Variants in LYN observed in about 807,000 individuals in gnomAD.
LYN encodes the protein tyrosine-protein kinase Lyn.
In LYN, 12 loss-of-function variants were observed where a neutral mutation model predicts 65.0. The observed-to-expected ratio is 0.18, with a 90% CI of 0.12 to 0.30. LYN has a LOEUF of 0.30. Ranked by LOEUF, LYN falls within the 10% of genes least tolerant of loss-of-function variation. LYN has a pLI of 1.00. For missense variants in LYN, 380 were observed against 623.2 expected (o/e 0.61, Z 4.16); for synonymous variants, 222 against 221.2 (o/e 1.00, Z -0.03).
rs557237006 is a variant in LYN, at chr8:55,926,458, T to A, written c.-5-15397T>A. Among the ~76,000 whole-genome samples, 158 of 152,372 alleles carry A rather than the reference T, an allele frequency of 1.0e-3. 1 individual carries two copies. Among genetic ancestry groups the A allele is most frequent in the African/African-American group, 3.6e-3 (151 of 41,588 alleles). On this transcript the variant is annotated intron_variant, in intron 1 of 12. Coordinates refer to ENST00000519728, the MANE Select transcript of LYN (RefSeq NM_002350.4). ...TAAGCCTAATTTAACTGTGCATTTC[T>A]TTTATCATAAATGGCTATGGGCGTA...
At chr8:55,926,414 A>G (rs1394464153) in intron 1 of LYN, among the ~76,000 whole-genome samples, 1 of 152,242 alleles carries the variant, frequency 6.6e-6, no homozygotes, top group Non-Finnish European at 1.5e-5. Flanking sequence ...TATCAGATGT[A>G]CTTTGCCTTG....
At chr8:55,928,285 A>G (rs530052848) in intron 1 of LYN, among the ~76,000 whole-genome samples, 18 of 152,314 alleles carry the variant, frequency 1.2e-4, no homozygotes, top group Non-Finnish European at 2.5e-4. Context: ...AGCTGGGACT[A>G]TAGGCAAGCG....
At chr8:56,002,624 T>TAAATTAAATA (rs1385772576) in intron 12 of LYN, among the ~76,000 whole-genome samples, 11 of 149,324 alleles carry the variant, frequency 7.4e-5, no homozygotes, top group African/African-American at 2.5e-4. Flanking sequence ...TAAATTAAAT[T>TAAATTAAATA]AAATTAAATT....
At chr8:55,998,038 A>T (rs979857933) in intron 10 of LYN, among the ~76,000 whole-genome samples, 2 of 152,038 alleles carry the variant, frequency 1.3e-5, no homozygotes, top group Admixed American at 6.5e-5. Context: ...GAGCCAAGAT[A>T]GCGCCACTGC....
intron 1 of LYN, among the ~76,000 whole-genome samples, chr8:55,909,035 ACAC>A (rs2130400419): frequency 9.2e-6 from 1 of 108,472 alleles, no homozygotes; most frequent in Non-Finnish European, 1.8e-5. Context: ...ACACACACAC[ACAC>A]ACACACACAC....
intron 8 of LYN, among the ~76,000 whole-genome samples, chr8:55,957,009 G>A (rs1322747930): frequency 6.6e-6 from 1 of 152,150 alleles, no homozygotes; most frequent in Admixed American, 6.6e-5. Context: ...GTGATCATTC[G>A]ATAAACAACA....
intron 10 of LYN, among the ~76,000 whole-genome samples, chr8:55,970,235 C>T (rs934124303): frequency 2.6e-5 from 4 of 152,210 alleles, no homozygotes; most frequent in African/African-American, 9.7e-5. Context: ...CACTTTCCTG[C>T]TCCTCTTCTC....
At chr8:55,880,140 C>T in intron 1 of LYN, 37 bp downstream of exon 1, 1 of 233,442 alleles carries the variant, frequency 4.3e-6, no homozygotes, top group South Asian at 4.2e-5. Context: ...TGGGCGCGGG[C>T]ACGCGGGCAG....
At chr8:55,995,678 C>T (rs1009098078) in intron 10 of LYN, among the ~76,000 whole-genome samples, 2 of 151,722 alleles carry the variant, frequency 1.3e-5, no homozygotes, top group African/African-American at 2.4e-5. Context: ...CTGCATAGGT[C>T]GGGTGAAAGG....
chr8:55,911,190 C>CGTGTATATATATACATATATAT (rs1554576221), intron 1 of LYN, among the ~76,000 whole-genome samples: 1 of 11,578 alleles, frequency 8.6e-5, no homozygotes. Flanking sequence ...TATATATATA[C>CGTGTATATATATACATATATAT]ACACACACAT....
chr8:55,946,969 C>T (rs1041358628), intron 3 of LYN, among the ~76,000 whole-genome samples: 1 of 152,124 alleles, frequency 6.6e-6, no homozygotes, highest in Non-Finnish European at 1.5e-5. Flanking sequence ...ATGCCCTGGC[C>T]GGGTGCAGTG....
At chr8:56,004,190 C>A (rs1281642502) in intron 12 of LYN, among the ~76,000 whole-genome samples, 1 of 151,648 alleles carries the variant, frequency 6.6e-6, no homozygotes, top group Non-Finnish European at 1.5e-5. Flanking sequence ...CTTTGGCCTC[C>A]CAAAGTGCTG....
At chr8:55,969,945 C>A (rs1170908450) in intron 10 of LYN, 152 bp downstream of exon 10, 2 of 676,188 alleles carry the variant, frequency 3.0e-6, no homozygotes, top group Non-Finnish European at 5.3e-6. Context: ...CAATACAATT[C>A]TTGGAGATAG....
intron 10 of LYN, among the ~76,000 whole-genome samples, chr8:55,978,023 G>A (rs1240171080): frequency 2.0e-5 from 3 of 152,134 alleles, no homozygotes; most frequent in Non-Finnish European, 4.4e-5. Context: ...AGATTCTCAG[G>A]CCCTCTCCCC....
rs1808868251 is a variant in LYN at position 56,013,390 on chromosome 8, C to T, written c.*3280C>T. On this transcript the variant is annotated 3_prime_UTR_variant, in exon 13 of 13. Transcript: ENST00000519728. Reference sequence around the variant, plus strand: ...TGGAGCGATTCTTCTCCTGCCTCAGCCTCCCTAGTAGCTGGAACTACAGGC... The same window carrying T: ...TGGAGCGATTCTTCTCCTGCCTCAGTCTCCCTAGTAGCTGGAACTACAGGC... The T allele has an allele frequency of 6.6e-6, 1 of 152,010 alleles. No homozygotes were observed. Among genetic ancestry groups the T allele is most frequent in the African/African-American group, 2.4e-5 (1 of 41,332 alleles). 9.4% of individuals were successfully genotyped at this position (152,010 alleles called of 1,614,324 possible). A position where few individuals can be genotyped will look rare whatever the true frequency, so the allele number is the denominator to read the frequency against.
At chr8:55,964,464 T>A (rs765596924) in intron 8 of LYN, among the ~76,000 whole-genome samples, 5 of 152,210 alleles carry the variant, frequency 3.3e-5, no homozygotes, top group Non-Finnish European at 7.3e-5. Context: ...AGAAACATCA[T>A]TGGATAGGTT....
chr8:55,914,829 A>T (rs1324130715), intron 1 of LYN, among the ~76,000 whole-genome samples: 5 of 152,138 alleles, frequency 3.3e-5, no homozygotes. Context: ...TTTTGTTTGT[A>T]ACAATAGAGC....
At position 55,932,933 on chromosome 8, in the gene LYN, A is replaced by G. The variant is rs565146519; in HGVS notation, c.-5-8922A>G. On this transcript the variant is annotated intron_variant, in intron 1 of 12. Transcript: ENST00000519728. ...GCATTGAATACATATGGATGTAAAG[A>G]TAGGAGCAATAGACACGGGAGACTA... is the stretch of plus-strand genomic sequence containing the variant. Among the ~76,000 whole-genome samples the G allele has an allele frequency of 4.5e-4, 69 of 152,286 alleles. No homozygotes were observed. The Middle Eastern group carries it at 0.01, about 23-fold the overall frequency.
intron 8 of LYN, among the ~76,000 whole-genome samples, chr8:55,961,328 A>T (rs1232657623): frequency 4.6e-5 from 7 of 152,160 alleles, no homozygotes; most frequent in Non-Finnish European, 1.0e-4. Context: ...TTTCATCTGT[A>T]TTGACAACCC....
Sources: allele counts gnomAD v4.1 joint callset (sites outside exome capture counted in the v4.1 genomes callset), GRCh38; gene constraint gnomAD v4.1.1; transcripts MANE v1.5; gene names NCBI Gene and HGNC (gene_info 2026-07-23, HGNC 2026-07-21).